The following FITM2 variants were observed in gnomAD, a reference collection of about 807,000 sequenced individuals.
FITM2 encodes acyl-coenzyme A diphosphatase FITM2.
Under a neutral mutation model 23.3 loss-of-function variants are expected in FITM2, and 16 were observed. The observed-to-expected ratio is 0.69, with a 90% CI of 0.47 to 1.05. The LOEUF is 1.05. FITM2 is among the 50% of genes least tolerant of loss of function. The probability of loss-of-function intolerance (pLI) is 0.00; values close to 1 mark genes in which losing one functional copy is unlikely to be tolerated. For missense variants in FITM2, 273 were observed against 327.5 expected, an observed-to-expected ratio of 0.83 and a Z score of 1.29; for synonymous variants, 132 against 142.0, an observed-to-expected ratio of 0.93 and a Z score of 0.50.
rs774521167 is a variant in FITM2, at chr20:44,307,745, C to T, written c.174-505G>A. 5.3e-5 allele frequency among the ~76,000 whole-genome samples: 8 copies of T among 151,956 alleles called. No individual in the cohort carries two copies. The South Asian group carries it at 1.5e-3, about 28-fold the overall frequency. ...CCAGCCCTCCCCTCCTCCCCTACCC[C>T]ACCCCTGTGTAAGTACTTTAAATGT... is the stretch of plus-strand genomic sequence containing the variant. On this transcript the variant is annotated intron_variant, in intron 1 of 1. Transcript: ENST00000396825.
At position 44,305,424 on chromosome 20, in the gene FITM2, T is replaced by C. The variant is rs1315382994; in HGVS notation, c.*1201A>G. 1.3e-5 allele frequency: 2 copies of C among 152,192 alleles called. No homozygotes were observed. Among genetic ancestry groups the C allele is most frequent in the African/African-American group, 2.4e-5 (1 of 41,452 alleles). The allele number at this position is 152,192 out of a possible 1,614,324, so 9.4% of individuals were successfully genotyped here. A position where few individuals can be genotyped will look rare whatever the true frequency, so the allele number is the denominator to read the frequency against. On this transcript the variant is annotated 3_prime_UTR_variant, in exon 2 of 2. Coordinates refer to ENST00000396825, the MANE Select transcript of FITM2 (RefSeq NM_001080472.4). Reference sequence around the variant, plus strand: ...GAGGCACTGCATCTAAAAGGGCCTGTTTTGGTGGCTAATCGCAAGTCAGTT... The same window carrying C: ...GAGGCACTGCATCTAAAAGGGCCTGCTTTGGTGGCTAATCGCAAGTCAGTT...
In FITM2 at chr20:44,303,870, C is replaced by G. The variant is rs897858693; in HGVS notation, c.*2755G>C. 1 of 150,182 alleles carries G rather than the reference C, an allele frequency of 6.7e-6. No homozygotes were observed. The highest frequency in any genetic ancestry group is 1.5e-5 in the Non-Finnish European group (1 of 68,102). 9.3% of individuals were successfully genotyped at this position (150,182 alleles called of 1,614,324 possible). ...ACCTCAAGTGATCCTCCCATCTCAG[C>G]CTCCCAAAGTGCTAGGATTACAGGT... On this transcript the variant is annotated 3_prime_UTR_variant, in exon 2 of 2. Transcript: ENST00000396825.
In FITM2 at chr20:44,305,479, A is replaced by C. The variant is rs2062687022; in HGVS notation, c.*1146T>G. 1 of 152,192 alleles carries C rather than the reference A, an allele frequency of 6.6e-6. No individual in the cohort carries two copies. Among genetic ancestry groups the C allele is most frequent in the Non-Finnish European group, 1.5e-5 (1 of 68,036 alleles). The allele number at this position is 152,192 out of a possible 1,614,324, so 9.4% of individuals were successfully genotyped here. On this transcript the variant is annotated 3_prime_UTR_variant, in exon 2 of 2. Coordinates refer to ENST00000396825, the MANE Select transcript of FITM2 (RefSeq NM_001080472.4). Reference sequence around the variant, plus strand: ...TATTTAAACACTTCATGGATGAAACAAATATTACAACCAGAGAGTGTCCTT... The same window carrying C: ...TATTTAAACACTTCATGGATGAAACCAATATTACAACCAGAGAGTGTCCTT...
In FITM2 at chr20:44,310,986, C is replaced by G. The variant is rs762122051; in HGVS notation, c.163G>C (p.Val55Leu). ...PESYLSNKRN[V>L]LNVYFVKVAW... ...CCGGGGTGCACTCACACGTTGAGGA[C>G]GTTGCGCTTGTTGCTGAGGTAGCTC... The change falls in exon 1 of 2, where the codon GTC (valine) becomes CTC (leucine). Residue 55 changes from valine to leucine, a missense_variant. Coordinates refer to ENST00000396825, the MANE Select transcript of FITM2 (RefSeq NM_001080472.4). 13 of 1,553,488 alleles carry G rather than the reference C, an allele frequency of 8.4e-6. 1 individual carries two copies. Among genetic ancestry groups the G allele is most frequent in the Non-Finnish European group, 3.5e-6 (4 of 1,148,922 alleles).
At chr20:44,309,541 GGGGTTCAAATCTTCACTCTTAC>G (rs756937525) in intron 1 of FITM2, among the ~76,000 whole-genome samples, 18 of 152,128 alleles carry the variant, frequency 1.2e-4, no homozygotes, top group Middle Eastern at 3.2e-3. Context: ...CCAAAAGACC[GGGGTTCAAATCTTCACTCTTAC>G]GGGTTCAAAT....
chr20:44,311,135 T>C lies in FITM2; in HGVS notation c.14A>G (p.Glu5Gly), dbSNP rs1363942173. The change falls in exon 1 of 2, where the codon GAG becomes GGG. Residue 5 changes from glutamate to glycine, a missense_variant. Around this residue, in one of 3 missense-constraint regions of FITM2, gnomAD observed 123 missense variants for 117.9 expected, o/e 1.04. Coordinates refer to ENST00000396825, the MANE Select transcript of FITM2 (RefSeq NM_001080472.4). MEHL[E>G]RCEWLLRGTL... ...CCCCCGCAACAACCACTCGCAGCGC[T>C]CCAGATGCTCCATGCCGGATCTCGT... 1.2e-6 allele frequency: 2 copies of C among 1,612,254 alleles called. No homozygotes were observed. The highest frequency in any genetic ancestry group is 1.7e-6 in the Non-Finnish European group (2 of 1,179,162).
At position 44,307,063 on chromosome 20, in the gene FITM2, G is replaced by T. The variant is rs771133912; in HGVS notation, c.351C>A (p.Tyr117Ter). 31 of 1,614,072 alleles carry T rather than the reference G, an allele frequency of 1.9e-5. No homozygotes were observed. Among genetic ancestry groups the T allele is most frequent in the Non-Finnish European group, 2.5e-5 (30 of 1,180,050 alleles). ...CTGGGGACTGGTAGCAGCTGCCCGT[G>T]TAGTGTTCGATGTTGGAGAAGATGG... ...CTSIFSNIEH[Y>*]TGSCYQSPAL... Residue 117 changes from tyrosine to a stop codon, truncating the protein, a stop_gained, in exon 2 of 2, where the codon TAC becomes TAA. Transcript: ENST00000396825. LOFTEE classifies it high-confidence loss of function.
rs369369592 is a variant in FITM2 at position 44,307,224 on chromosome 20, C to G, written c.190G>C (p.Ala64Pro). Reference sequence around the variant, plus strand: ...AGGAGACAGAACGTCCAGGCCCAGGCCACTTTGACAAAATACCTGACAGAG... The same window carrying G: ...AGGAGACAGAACGTCCAGGCCCAGGGCACTTTGACAAAATACCTGACAGAG... ...NVLNVYFVKV[A>P]WAWTFCLLLP... Residue 64 changes from alanine to proline, a missense_variant, in exon 2 of 2, where the codon GCC becomes CCC. Ala to Pro is a conservative substitution (Grantham distance 27, BLOSUM62 -1). Transcript: ENST00000396825. 4 of 1,613,716 alleles carry G rather than the reference C, an allele frequency of 2.5e-6. No homozygotes were observed. The highest frequency in any genetic ancestry group is 1.3e-5 in the African/African-American group (1 of 74,876).
Position 44,307,198 on chromosome 20 carries a change from A to G in FITM2, c.216T>C (p.Leu72=), listed in dbSNP as rs2062693137. 2.5e-6 allele frequency: 4 copies of G among 1,614,228 alleles called. No homozygotes were observed. In the East Asian group the frequency reaches 8.9e-5, roughly 36 times the overall value. The change falls in exon 2 of 2, where the codon CTT becomes CTC. Residue 72 remains leucine, a synonymous_variant. Coordinates refer to ENST00000396825, the MANE Select transcript of FITM2 (RefSeq NM_001080472.4). ...KVAWAWTFCL[L]LPFIALTNYH... is the part of the protein sequence containing the mutation. ...AGTTGGTGAGGGCAATGAAAGGCAG[A>G]AGGAGACAGAACGTCCAGGCCCAGG...
chr20:44,306,387 A>G lies in FITM2; in HGVS notation c.*238T>C. On this transcript the variant is annotated 3_prime_UTR_variant, in exon 2 of 2. Coordinates refer to ENST00000396825, the MANE Select transcript of FITM2 (RefSeq NM_001080472.4). The stretch of plus-strand genomic sequence containing the variant: ...AAAGGAGTGTTCCAGATAAAGGTCA[A>G]GTCTTACCAGGGACAAAAAGTGCCT... The G allele has an allele frequency of 2.1e-6, 1 of 466,624 alleles. No individual in the cohort carries two copies. Among genetic ancestry groups the G allele is most frequent in the South Asian group, 2.1e-5 (1 of 46,860 alleles). 28.9% of individuals were successfully genotyped at this position (466,624 alleles called of 1,614,324 possible).
Position 44,306,895 on chromosome 20 carries a change from C to A in FITM2, c.519G>T (p.Leu173=). 6.2e-7 allele frequency: 1 copy of A among 1,614,186 alleles called. No homozygotes were observed. Among genetic ancestry groups the A allele is most frequent in the Non-Finnish European group, 8.5e-7 (1 of 1,180,028 alleles). ...ALMIVEEMSV[L]HEVKTDRSHC... ...GGCTTCGGTCCGTCTTCACCTCATG[C>A]AGCACAGACATCTCTTCTACAATCA... is the stretch of plus-strand genomic sequence containing the variant. Residue 173 remains leucine (L), a synonymous_variant, in exon 2 of 2, where the codon CTG becomes CTT. Coordinates refer to ENST00000396825, the MANE Select transcript of FITM2 (RefSeq NM_001080472.4).
At chr20:44,308,956 C>G (rs1177882353) in intron 1 of FITM2, among the ~76,000 whole-genome samples, 1 of 152,082 alleles carries the variant, frequency 6.6e-6, no homozygotes, top group African/African-American at 2.4e-5. Context: ...ACCTCTCCAG[C>G]CCTCAGTTTC....
At chr20:44,309,512 A>C (rs2062699501) in intron 1 of FITM2, among the ~76,000 whole-genome samples, 1 of 152,148 alleles carries the variant, frequency 6.6e-6, no homozygotes. Flanking sequence ...ACAGTCTTGC[A>C]ACAAGGTCTT....
At position 44,307,178 on chromosome 20, in the gene FITM2, G is replaced by C; in HGVS notation, c.236C>G (p.Thr79Ser). The C allele has an allele frequency of 6.2e-7, 1 of 1,614,202 alleles. No homozygotes were observed. The highest frequency in any genetic ancestry group is 8.5e-7 in the Non-Finnish European group (1 of 1,180,040). The change falls in exon 2 of 2, where the codon ACC becomes AGC. Residue 79 changes from threonine to serine, a missense_variant. By Grantham distance (58) the Thr-to-Ser change is moderately conservative. This residue lies in a region of FITM2 where 123 missense variants were observed against 117.9 expected (regional missense o/e 1.04). Coordinates refer to ENST00000396825, the MANE Select transcript of FITM2 (RefSeq NM_001080472.4). ...AGCCTTGCCGGTCAGATGGTAGTTGGTGAGGGCAATGAAAGGCAGAAGGAG... is the reference window on the plus strand; with the variant it reads ...AGCCTTGCCGGTCAGATGGTAGTTGCTGAGGGCAATGAAAGGCAGAAGGAG... ...FCLLLPFIALTNYHLTGKAGL... is the reference protein window; with the variant it reads ...FCLLLPFIALSNYHLTGKAGL...
In FITM2 at chr20:44,306,547, T is replaced by C; in HGVS notation, c.*78A>G. The C allele has an allele frequency of 3.9e-6, 6 of 1,544,124 alleles. No individual in the cohort carries two copies. The highest frequency in any genetic ancestry group is 5.2e-6 in the Non-Finnish European group (6 of 1,149,010). On this transcript the variant is annotated 3_prime_UTR_variant, in exon 2 of 2. Coordinates refer to ENST00000396825, the MANE Select transcript of FITM2 (RefSeq NM_001080472.4). The stretch of plus-strand genomic sequence containing the variant: ...TTCCCTCTGAAGTAGGATCAATAAT[T>C]TAGCCAAATAACTAAGCAAAATATA...
rs146617203 is a variant in FITM2 at position 44,310,290 on chromosome 20, G to A, written c.173+686C>T. Reference sequence around the variant, plus strand: ...TAACCGGGAGTTTTGAAAAAAGCAAGTAAGCAAGCAAAGGAGTGGATGGGT... The same window carrying A: ...TAACCGGGAGTTTTGAAAAAAGCAAATAAGCAAGCAAAGGAGTGGATGGGT... On this transcript the variant is annotated intron_variant, in intron 1 of 1. Transcript: ENST00000396825. Among the ~76,000 whole-genome samples, 65 of 152,312 alleles carry A rather than the reference G, an allele frequency of 4.3e-4. 1 individual carries two copies. The East Asian group carries it at 0.013, about 29-fold the overall frequency.
Position 44,311,042 on chromosome 20 carries a change from G to A in FITM2, c.107C>T (p.Ser36Phe). The change falls in exon 1 of 2, where the codon TCC becomes TTC. Residue 36 changes from serine (S) to phenylalanine (F), a missense_variant. Physicochemically the swap from Ser to Phe is radical, Grantham distance 155. Coordinates refer to ENST00000396825, the MANE Select transcript of FITM2 (RefSeq NM_001080472.4). ...CAACGGGGACAACTCCTTGAGGAGG[G>A]AGCCCGCCAGCATGGAGGCCACCAG... ...WALVASMLAG[S>F]LLKELSPLPE... 6.3e-7 allele frequency: 1 copy of A among 1,598,816 alleles called. No homozygotes were observed. Among genetic ancestry groups the A allele is most frequent in the Non-Finnish European group, 8.5e-7 (1 of 1,173,900 alleles).
intron 1 of FITM2, among the ~76,000 whole-genome samples, chr20:44,308,518 C>A (rs1317721434): frequency 2.0e-5 from 3 of 152,094 alleles, no homozygotes; most frequent in Non-Finnish European, 4.4e-5. Context: ...TCTCCCATAC[C>A]ATATGTGGTT....
chr20:44,303,005 C>A lies in FITM2; in HGVS notation c.*3620G>T, dbSNP rs750906622. 2 of 152,098 alleles carry A rather than the reference C, an allele frequency of 1.3e-5. No homozygotes were observed. The highest frequency in any genetic ancestry group is 2.9e-5 in the Non-Finnish European group (2 of 68,020). 9.4% of individuals were successfully genotyped at this position (152,098 alleles called of 1,614,324 possible). ...GTGAATTAATCTCAACATAGAAAGGCAAAATAAGCATGGCAGTATTCTATG... is the reference window on the plus strand; with the variant it reads ...GTGAATTAATCTCAACATAGAAAGGAAAAATAAGCATGGCAGTATTCTATG... On this transcript the variant is annotated 3_prime_UTR_variant, in exon 2 of 2. Transcript: ENST00000396825.
Sources: allele counts gnomAD v4.1 joint callset (sites outside exome capture counted in the v4.1 genomes callset), GRCh38; gene constraint gnomAD v4.1.1; regional missense constraint gnomAD v4.1.1; transcripts MANE v1.5; gene names NCBI Gene and HGNC (gene_info 2026-07-23, HGNC 2026-07-21).